The following MTMR2 variants were observed in gnomAD, a reference collection of about 807,000 sequenced individuals.
The protein encoded by MTMR2 is myotubularin related protein 2.
MTMR2 carries 55 observed loss-of-function variants against 86.9 expected under a neutral mutation model. That is an observed-to-expected ratio of 0.63 (90% CI 0.51 to 0.79). The LOEUF is 0.79. Among genes scored for constraint, MTMR2 ranks in the 30% least tolerant of loss-of-function variants. The pLI is 0.00. For missense variants in MTMR2, 659 were observed against 772.3 expected, an observed-to-expected ratio of 0.85 and a Z score of 1.74; for synonymous variants, 241 against 266.8, an observed-to-expected ratio of 0.90 and a Z score of 0.94.
chr11:95,865,330 C>A, intron 3 of MTMR2: 1 of 416,080 alleles, frequency 2.4e-6, no homozygotes. Context: ...AGCAAAAATC[C>A]ACCTACTTTT....
In MTMR2 at chr11:95,871,648, G is replaced by A. The variant is rs563353312; in HGVS notation, c.187-5972C>T. Among the ~76,000 whole-genome samples the A allele has an allele frequency of 5.2e-4, 79 of 152,280 alleles. 2 individuals are homozygous for A. In the South Asian group the frequency reaches 0.011, roughly 20 times the overall value. ...TCTGGATATTAGGCCTTTGTCAGAT[G>A]AGTAGATTGCAAAAATTTTCTCCCA... On this transcript the variant is annotated intron_variant, in intron 2 of 14. Transcript: ENST00000346299.
At chr11:95,902,010 C>G (rs1866092202) in intron 1 of MTMR2, among the ~76,000 whole-genome samples, 1 of 152,128 alleles carries the variant, frequency 6.6e-6, no homozygotes, top group Non-Finnish European at 1.5e-5. Context: ...ATTATAAGAT[C>G]TGATAGTAAA....
intron 1 of MTMR2, among the ~76,000 whole-genome samples, chr11:95,919,284 C>T (rs1474075050): frequency 2.0e-5 from 3 of 152,042 alleles, no homozygotes; most frequent in African/African-American, 7.2e-5. Flanking sequence ...TCTAGGAATT[C>T]CTGTTTTCAA....
intron 7 of MTMR2, among the ~76,000 whole-genome samples, chr11:95,851,914 G>A (rs1044101331): frequency 1.3e-5 from 2 of 152,154 alleles, no homozygotes; most frequent in African/African-American, 2.4e-5. Context: ...TTGAGCTCTC[G>A]TGCTCCTTCA....
At chr11:95,844,880 A>T (rs1002342349) in intron 11 of MTMR2, 73 bp downstream of exon 11, 2 of 1,359,696 alleles carry the variant, frequency 1.5e-6, no homozygotes, top group African/African-American at 1.4e-5. Flanking sequence ...ATCTTATTTT[A>T]AAAAACACAT....
chr11:95,873,857 A>G lies in MTMR2; in HGVS notation c.187-8181T>C, dbSNP rs1466297335. On this transcript the variant is annotated intron_variant, in intron 2 of 14. Coordinates refer to ENST00000346299, the MANE Select transcript of MTMR2 (RefSeq NM_016156.6). ...CTGCCTTCATTTTGTTATGTACCCAATAGTCATTCAGGAGCAGGTTGTTCA... is the reference window on the plus strand; with the variant it reads ...CTGCCTTCATTTTGTTATGTACCCAGTAGTCATTCAGGAGCAGGTTGTTCA... Among the ~76,000 whole-genome samples the G allele has an allele frequency of 3.9e-5, 6 of 152,066 alleles. No homozygotes were observed. The East Asian group carries it at 7.7e-4, about 20-fold the overall frequency.
chr11:95,924,085 G>A lies in MTMR2; in HGVS notation c.-131C>T, dbSNP rs1867051114. The A allele has an allele frequency of 1.6e-6, 2 of 1,222,376 alleles. No individual in the cohort carries two copies. The highest frequency in any genetic ancestry group is 1.5e-5 in the African/African-American group (1 of 67,142). The allele number at this position is 1,222,376 out of a possible 1,614,324, so 75.7% of individuals were successfully genotyped here. ...CGCCGGCCCGGGAGGGAGACCGGAA[G>A]CGGCCATGTTCCCCCAGAGTGCACC... On this transcript the variant is annotated 5_prime_UTR_variant, in exon 1 of 15. Coordinates refer to ENST00000346299, the MANE Select transcript of MTMR2 (RefSeq NM_016156.6).
At chr11:95,892,936 C>A (rs1023042212) in intron 1 of MTMR2, among the ~76,000 whole-genome samples, 1 of 152,130 alleles carries the variant, frequency 6.6e-6, no homozygotes, top group Non-Finnish European at 1.5e-5. Flanking sequence ...CATGTAACAA[C>A]GCCCAAAGAT....
rs1412077748 is a variant in MTMR2 at position 95,903,062 on chromosome 11, G to A, written c.81-14801C>T. On this transcript the variant is annotated intron_variant, in intron 1 of 14. Transcript: ENST00000346299. ...ACATAAATGAGCATTTAAACACCTT[G>A]GCCATTCAGTTAATCGAATTCCTCT... 3.9e-5 allele frequency among the ~76,000 whole-genome samples: 6 copies of A among 152,048 alleles called. No homozygotes were observed. The South Asian group carries it at 1.0e-3, about 26-fold the overall frequency.
chr11:95,851,614 A>C (rs1292873538), intron 7 of MTMR2, among the ~76,000 whole-genome samples: 2 of 152,042 alleles, frequency 1.3e-5, no homozygotes, highest in Non-Finnish European at 2.9e-5. Flanking sequence ...CGCCTGCCTC[A>C]GCCTCCCAAA....
chr11:95,901,114 T>C (rs7128695), intron 1 of MTMR2, among the ~76,000 whole-genome samples: 13,235 of 152,224 alleles, frequency 0.087, 1,215 homozygotes, highest in African/African-American at 0.23. Context: ...TCACCTTGCC[T>C]CTGTTCTCTC....
chr11:95,913,774 A>C (rs1866598031), intron 1 of MTMR2, among the ~76,000 whole-genome samples: 2 of 152,004 alleles, frequency 1.3e-5, no homozygotes, highest in African/African-American at 4.8e-5. Context: ...AAAAGAAAGA[A>C]TAGAGAAAGA....
At chr11:95,860,646 C>T (rs1220231517) in intron 5 of MTMR2, among the ~76,000 whole-genome samples, 4 of 152,138 alleles carry the variant, frequency 2.6e-5, no homozygotes, top group Non-Finnish European at 5.9e-5. Flanking sequence ...AAGAAAGGAA[C>T]AATGTGATGT....
intron 10 of MTMR2, among the ~76,000 whole-genome samples, chr11:95,845,882 TAAA>T (rs201863810): frequency 2.2e-5 from 2 of 90,096 alleles, no homozygotes; most frequent in African/African-American, 1.0e-4. Flanking sequence ...TATGGTATCT[TAAA>T]AAAAAAAAAA....
At chr11:95,904,108 T>C (rs1866170669) in intron 1 of MTMR2, among the ~76,000 whole-genome samples, 1 of 152,096 alleles carries the variant, frequency 6.6e-6, no homozygotes, top group Admixed American at 6.6e-5. Context: ...TACTCCAGCC[T>C]GGGTGACAGA....
At chr11:95,894,406 T>C (rs1361198185) in intron 1 of MTMR2, among the ~76,000 whole-genome samples, 1 of 152,210 alleles carries the variant, frequency 6.6e-6, no homozygotes, top group African/African-American at 2.4e-5. Context: ...GAAAGAAGAA[T>C]ACGTGGCATA....
At chr11:95,867,128 T>C (rs779227556) in intron 2 of MTMR2, among the ~76,000 whole-genome samples, 1 of 151,896 alleles carries the variant, frequency 6.6e-6, no homozygotes, top group Non-Finnish European at 1.5e-5. Context: ...AAAACAAATA[T>C]CAGAGTATAC....
chr11:95,920,465 G>T (rs562696794), intron 1 of MTMR2, among the ~76,000 whole-genome samples: 1 of 148,012 alleles, frequency 6.8e-6, no homozygotes, highest in South Asian at 2.1e-4. Flanking sequence ...GTGCCACCAC[G>T]CCCAGCTGAC....
rs762500134 is a variant in MTMR2 at position 95,835,461 on chromosome 11, CAA to C, written c.1771-12_1771-11del. ...TGTTGTGAATAGGTTCCTGCAAGAG[CAA>C]AACATAAAATATTCAACTAGGCAAT... On this transcript the variant is annotated splice_polypyrimidine_tract_variant and intron_variant, in intron 14 of 14. Coordinates refer to ENST00000346299, the MANE Select transcript of MTMR2 (RefSeq NM_016156.6). The C allele has an allele frequency of 6.2e-7, 1 of 1,611,610 alleles. No individual in the cohort carries two copies. Among genetic ancestry groups the C allele is most frequent in the East Asian group, 2.2e-5 (1 of 44,862 alleles).
Sources: gnomAD v4.1 joint callset for allele counts (sites outside exome capture counted in the v4.1 genomes callset) on GRCh38, gnomAD v4.1.1 for gene constraint, MANE v1.5 for transcripts, NCBI Gene and HGNC (gene_info 2026-07-23, HGNC 2026-07-21) for gene names.